Variants in TMTC2 observed in about 807,000 individuals in gnomAD.
TMTC2 encodes protein O-mannosyl-transferase TMTC2.
TMTC2 carries 43 observed loss-of-function variants against 82.4 expected under a neutral mutation model. The ratio of observed to expected loss-of-function variants is 0.52; its 90% CI spans 0.41 to 0.67. The LOEUF (loss-of-function observed/expected upper bound fraction) is 0.67. Among genes scored for constraint, TMTC2 ranks in the 30% least tolerant of loss-of-function variants. The pLI, the probability that TMTC2 is intolerant of heterozygous loss-of-function variation, is 0.00. For missense variants in TMTC2, 919 were observed against 1,012.4 expected, an observed-to-expected ratio of 0.91 and a Z score of 1.25; for synonymous variants, 408 against 381.9, an observed-to-expected ratio of 1.07 and a Z score of -0.80.
chr12:82,980,494 G>T (rs551360666), intron 7 of TMTC2, among the ~76,000 whole-genome samples: 1 of 151,730 alleles, frequency 6.6e-6, no homozygotes, highest in Admixed American at 6.6e-5. Context: ...TTCCAGCAAA[G>T]CATCCTAAAA....
intron 2 of TMTC2, among the ~76,000 whole-genome samples, chr12:82,876,564 T>A (rs1872592904): frequency 6.6e-6 from 1 of 152,192 alleles, no homozygotes; most frequent in Admixed American, 6.5e-5. Flanking sequence ...TCAATGTGAA[T>A]TTGACATTTT....
At chr12:82,995,127 T>C (rs1442638138) in intron 8 of TMTC2, among the ~76,000 whole-genome samples, 1 of 152,228 alleles carries the variant, frequency 6.6e-6, no homozygotes, top group African/African-American at 2.4e-5. Flanking sequence ...CCTTGCTTGG[T>C]AATTTTTTTC....
intron 1 of TMTC2, among the ~76,000 whole-genome samples, chr12:82,813,916 T>C (rs1211047601): frequency 6.6e-6 from 1 of 152,150 alleles, no homozygotes; most frequent in African/African-American, 2.4e-5. Flanking sequence ...CCTCTGGTTT[T>C]AATGTTATGT....
intron 1 of TMTC2, among the ~76,000 whole-genome samples, chr12:82,816,413 A>G (rs1592545249): frequency 6.6e-6 from 1 of 152,076 alleles, no homozygotes; most frequent in Non-Finnish European, 1.5e-5. Flanking sequence ...GGGCTCCGTT[A>G]ACACTTGTTA....
chr12:83,060,104 C>G (rs1358917632), intron 10 of TMTC2, among the ~76,000 whole-genome samples: 1 of 151,714 alleles, frequency 6.6e-6, no homozygotes, highest in African/African-American at 2.4e-5. Flanking sequence ...TAAAGTACTT[C>G]TCTTGACATT....
chr12:83,130,652 C>T (rs1423641502), intron 11 of TMTC2, among the ~76,000 whole-genome samples: 1 of 151,994 alleles, frequency 6.6e-6, no homozygotes. Context: ...TTAAAGACTG[C>T]CCAACAACAT....
intron 7 of TMTC2, among the ~76,000 whole-genome samples, chr12:82,980,180 T>G (rs1400080944): frequency 6.6e-6 from 1 of 151,808 alleles, no homozygotes; most frequent in Non-Finnish European, 1.5e-5. Context: ...CATCAATCAA[T>G]TAATTAAAGT....
chr12:82,965,143 C>G (rs1878133559), intron 5 of TMTC2, 34 bp downstream of exon 5: 1 of 1,483,800 alleles, frequency 6.7e-7, no homozygotes, highest in Non-Finnish European at 9.3e-7. Context: ...TTTTTTATAC[C>G]TCTTTCCATA....
chr12:82,977,808 G>A (rs1878745178), intron 7 of TMTC2, among the ~76,000 whole-genome samples: 1 of 151,742 alleles, frequency 6.6e-6, no homozygotes, highest in African/African-American at 2.4e-5. Context: ...AATTGCAGAA[G>A]TGCAGTACTT....
At position 83,000,141 on chromosome 12, in the gene TMTC2, A is replaced by AT. The variant is rs35324172; in HGVS notation, c.2070+14106dup. Among the ~76,000 whole-genome samples, 692 of 150,848 alleles carry AT rather than the reference A, an allele frequency of 4.6e-3. 3 individuals are homozygous for AT. The highest frequency in any genetic ancestry group is 0.016 in the African/African-American group (640 of 41,012). On this transcript the variant is annotated intron_variant, in intron 8 of 11. Transcript: ENST00000321196. ...GTCCAAAATCCAGTGGGGGCAGTCA[A>AT]TTTTTTTTTTTGAGGCAGATTCTCG...
At chr12:82,733,195 A>G (rs1327355510) in intron 1 of TMTC2, among the ~76,000 whole-genome samples, 7 of 152,234 alleles carry the variant, frequency 4.6e-5, no homozygotes, top group Non-Finnish European at 1.0e-4. Context: ...GGAAAGGATC[A>G]TTTATTTTAA....
At chr12:82,811,621 A>G (rs916761819) in intron 1 of TMTC2, among the ~76,000 whole-genome samples, 1 of 151,976 alleles carries the variant, frequency 6.6e-6, no homozygotes, top group African/African-American at 2.4e-5. Flanking sequence ...TATATTTGCA[A>G]ATCATTTTAG....
chr12:83,048,600 C>T (rs188465471), intron 9 of TMTC2, among the ~76,000 whole-genome samples: 1 of 152,252 alleles, frequency 6.6e-6, no homozygotes, highest in East Asian at 1.9e-4. Flanking sequence ...TAATCGTAGG[C>T]TTACCTTTAC....
chr12:82,721,517 A>G (rs1438410953), intron 1 of TMTC2, among the ~76,000 whole-genome samples: 1 of 152,220 alleles, frequency 6.6e-6, no homozygotes, highest in Admixed American at 6.5e-5. Context: ...GTTGCTGCTG[A>G]ATAGGAACTG....
At chr12:82,872,136 A>G (rs1226669383) in intron 2 of TMTC2, among the ~76,000 whole-genome samples, 1 of 151,306 alleles carries the variant, frequency 6.6e-6, no homozygotes, top group Non-Finnish European at 1.5e-5. Flanking sequence ...TCTAGGCTCT[A>G]ATTGGTTTGG....
chr12:82,723,311 A>G (rs955121123), intron 1 of TMTC2, among the ~76,000 whole-genome samples: 5 of 152,190 alleles, frequency 3.3e-5, no homozygotes, highest in African/African-American at 1.2e-4. Context: ...AACAGTTTCT[A>G]TTTTAATTTA....
At chr12:82,692,585 A>G (rs958894434) in intron 1 of TMTC2, among the ~76,000 whole-genome samples, 1 of 152,220 alleles carries the variant, frequency 6.6e-6, no homozygotes, top group African/African-American at 2.4e-5. Context: ...TGACAAACCT[A>G]CTTTCTTATA....
chr12:82,921,077 A>T (rs1875362404), intron 3 of TMTC2, among the ~76,000 whole-genome samples: 1 of 152,134 alleles, frequency 6.6e-6, no homozygotes. Flanking sequence ...TTATTTTGTT[A>T]CTACTGAGGG....
At chr12:83,027,085 C>A (rs1881215545) in intron 8 of TMTC2, among the ~76,000 whole-genome samples, 1 of 151,880 alleles carries the variant, frequency 6.6e-6, no homozygotes, top group East Asian at 1.9e-4. Flanking sequence ...ATACTCAATA[C>A]AGTCCGTTTT....
Sources: gnomAD v4.1 joint callset for allele counts (sites outside exome capture counted in the v4.1 genomes callset) on GRCh38, gnomAD v4.1.1 for gene constraint, MANE v1.5 for transcripts, NCBI Gene and HGNC (gene_info 2026-07-23, HGNC 2026-07-21) for gene names.